The following COQ9 variants were observed in gnomAD, a reference collection of about 807,000 sequenced individuals.
The protein encoded by COQ9 is ubiquinone biosynthesis protein COQ9, mitochondrial.
Under a neutral mutation model 42.4 loss-of-function variants are expected in COQ9, and 35 were observed. The observed-to-expected ratio is 0.83, with a 90% CI of 0.63 to 1.10. The LOEUF is 1.10. Among genes scored for constraint, COQ9 ranks in the 50% least tolerant of loss-of-function variants. The pLI, the probability that COQ9 is intolerant of heterozygous loss-of-function variation, is 0.00. For synonymous variants in COQ9, 155 were observed against 155.1 expected (o/e 1.00, Z 0.00); for missense variants, 406 against 414.6 (o/e 0.98, Z 0.18).
At chr16:57,458,424 A>G (rs2030454343) in intron 6 of COQ9, 74 bp downstream of exon 6, 1 of 1,146,460 alleles carries the variant, frequency 8.7e-7, no homozygotes, top group East Asian at 2.6e-5. Context: ...AGCTTGTGAA[A>G]TTGCTTTGAT....
chr16:57,448,644 C>T (rs149783668), intron 1 of COQ9, among the ~76,000 whole-genome samples: 444 of 151,866 alleles, frequency 2.9e-3, no homozygotes, highest in African/African-American at 0.01. Context: ...AACTCCTGAC[C>T]TCAAGTTATC....
rs1314919675 is a variant in COQ9, at chr16:57,456,595, T to C, written c.470T>C (p.Leu157Pro). 1.2e-6 allele frequency: 2 copies of C among 1,614,120 alleles called. No homozygotes were observed. The highest frequency in any genetic ancestry group is 3.3e-5 in the Admixed American group (2 of 60,016). Residue 157 changes from leucine (L) to proline (P), a missense_variant, in exon 4 of 9, where the codon CTC becomes CCC. By Grantham distance (98) the Leu-to-Pro change is moderately conservative. Coordinates refer to ENST00000262507, the MANE Select transcript of COQ9 (RefSeq NM_020312.4). Reference sequence around the variant, plus strand: ...TTTGTGACCCAGTGCAATACCCGGCTCACACGTGTGCTAGAAGAGGAGCAG... The same window carrying C: ...TTTGTGACCCAGTGCAATACCCGGCCCACACGTGTGCTAGAAGAGGAGCAG... ...LHFVTQCNTRLTRVLEEEQKL... is the reference protein window; with the variant it reads ...LHFVTQCNTRPTRVLEEEQKL...
chr16:57,452,955 G>A lies in COQ9; in HGVS notation c.378+19G>A, dbSNP rs1278138457. The A allele has an allele frequency of 6.2e-7, 1 of 1,612,978 alleles. No individual in the cohort carries two copies. Among genetic ancestry groups the A allele is most frequent in the Non-Finnish European group, 8.5e-7 (1 of 1,179,874 alleles). ...AGCCCAGGTGTGTATAGGTGAGGGT[G>A]GGGCCACCTAACCAAGATGAGCCAG... On this transcript the variant is annotated intron_variant, in intron 3 of 8. Coordinates refer to ENST00000262507, the MANE Select transcript of COQ9 (RefSeq NM_020312.4).
chr16:57,458,012 C>G (rs2030444328), intron 5 of COQ9: 1 of 537,032 alleles, frequency 1.9e-6, no homozygotes, highest in African/African-American at 1.9e-5. Flanking sequence ...GTTCCAAATG[C>G]TAGGGATGGA....
At position 57,458,290 on chromosome 16, in the gene COQ9, G is replaced by A. The variant is rs1368816337; in HGVS notation, c.651G>A (p.Leu217=). 15 of 1,612,802 alleles carry A rather than the reference G, an allele frequency of 9.3e-6. No homozygotes were observed. Among genetic ancestry groups the A allele is most frequent in the African/African-American group, 5.3e-5 (4 of 74,884 alleles). Residue 217 remains leucine, a synonymous_variant, in exon 6 of 9, where the codon CTG becomes CTA. Coordinates refer to ENST00000262507, the MANE Select transcript of COQ9 (RefSeq NM_020312.4). ...LMLPHNIPSS[L]SLLTSMVDDM... is the part of the protein sequence containing the mutation. Reference sequence around the variant, plus strand: ...TCCCTCACAACATCCCGTCCAGCCTGAGCCTGCTCACCAGCATGGTGGATG... The same window carrying A: ...TCCCTCACAACATCCCGTCCAGCCTAAGCCTGCTCACCAGCATGGTGGATG...
intron 4 of COQ9, 94 bp downstream of exon 4, chr16:57,456,740 C>A (rs1243746827): frequency 1.3e-6 from 2 of 1,490,046 alleles, no homozygotes; most frequent in African/African-American, 1.4e-5. Flanking sequence ...CCAAGCAGAA[C>A]CCAAAGAGAG....
intron 1 of COQ9, chr16:57,450,697 C>T: frequency 5.6e-6 from 2 of 359,434 alleles, no homozygotes; most frequent in Non-Finnish European, 1.1e-5. Flanking sequence ...TTGTTTGGGC[C>T]ACACAGTGCT....
chr16:57,447,579 G>T lies in COQ9; in HGVS notation c.73+1G>T. 1.6e-6 allele frequency: 2 copies of T among 1,273,966 alleles called. No individual in the cohort carries two copies. The highest frequency in any genetic ancestry group is 1.5e-5 in the African/African-American group (1 of 65,042). 78.9% of individuals were successfully genotyped at this position (1,273,966 alleles called of 1,614,324 possible). On this transcript the variant is annotated splice_donor_variant, in intron 1 of 8. Coordinates refer to ENST00000262507, the MANE Select transcript of COQ9 (RefSeq NM_020312.4). LOFTEE classifies it high-confidence loss of function. ...CTCCTGCAGCTGCGATGCCTGCCCG[G>T]TGAGGGGGCTGCCAAGCCGGGGAGA... is the stretch of plus-strand genomic sequence containing the variant.
intron 1 of COQ9, among the ~76,000 whole-genome samples, chr16:57,448,331 G>A (rs887319603): frequency 1.3e-5 from 2 of 148,468 alleles, no homozygotes; most frequent in African/African-American, 5.0e-5. Flanking sequence ...ATACTATTCT[G>A]TTTCTTTTTT....
chr16:57,451,154 C>G lies in COQ9; in HGVS notation c.188C>G (p.Ser63Cys), dbSNP rs780513745. The G allele has an allele frequency of 1.5e-5, 24 of 1,614,098 alleles. No homozygotes were observed. Among genetic ancestry groups the G allele is most frequent in the Non-Finnish European group, 2.0e-5 (24 of 1,180,044 alleles). Residue 63 changes from serine (S) to cysteine (C), a missense_variant, in exon 2 of 9, where the codon TCT becomes TGT. By Grantham distance (112) the Ser-to-Cys change is moderately radical. Transcript: ENST00000262507. The stretch of plus-strand genomic sequence containing the variant: ...CCCAACTCATTTTCTCAGCAGCATT[C>G]TGAGACACAGGGGGCAGAAAAACCT... ...QPPNSFSQQH[S>C]ETQGAEKPDP...
At position 57,454,749 on chromosome 16, in the gene COQ9, A is replaced by G. The variant is rs180812126; in HGVS notation, c.379-1755A>G. 4.6e-5 allele frequency among the ~76,000 whole-genome samples: 7 copies of G among 152,316 alleles called. No homozygotes were observed. The East Asian group carries it at 1.4e-3, about 29-fold the overall frequency. On this transcript the variant is annotated intron_variant, in intron 3 of 8. Transcript: ENST00000262507. ...ATAGGCTTTACCTGACTTTGTGGGT[A>G]GGAGATGGACAAGTCCAAATACAGA... is the stretch of plus-strand genomic sequence containing the variant.
chr16:57,458,096 C>A (rs2030446396), intron 5 of COQ9, 150 bp from the exon 6 acceptor site: 2 of 689,250 alleles, frequency 2.9e-6, no homozygotes, highest in Non-Finnish European at 5.3e-6. Context: ...TTGCTAGCTG[C>A]CCACAACTCA....
At chr16:57,457,660 G>C (rs1303431396) in intron 5 of COQ9, among the ~76,000 whole-genome samples, 2 of 152,208 alleles carry the variant, frequency 1.3e-5, no homozygotes, top group South Asian at 4.1e-4. Context: ...GAACACTTAT[G>C]GTGGTGCCTA....
intron 3 of COQ9, among the ~76,000 whole-genome samples, chr16:57,454,488 T>A (rs2030357622): frequency 1.3e-5 from 2 of 152,108 alleles, no homozygotes. Flanking sequence ...AGAGACCCCA[T>A]CTCTACAAAA....
chr16:57,452,692 A>G (rs781551734), intron 2 of COQ9, 109 bp from the exon 3 acceptor site: 2 of 1,267,488 alleles, frequency 1.6e-6, no homozygotes, highest in Non-Finnish European at 2.3e-6. Flanking sequence ...ACAAGAGTAA[A>G]TGTCTTCCCA....
chr16:57,455,300 C>T (rs931590239), intron 3 of COQ9, among the ~76,000 whole-genome samples: 1 of 150,710 alleles, frequency 6.6e-6, no homozygotes, highest in African/African-American at 2.4e-5. Flanking sequence ...GTGGAGGCAT[C>T]AAGCATACAG....
intron 1 of COQ9, among the ~76,000 whole-genome samples, chr16:57,449,696 T>C (rs574437830): frequency 6.6e-6 from 1 of 152,262 alleles, no homozygotes; most frequent in South Asian, 2.1e-4. Flanking sequence ...TACTGAAACA[T>C]GTACATATAG....
chr16:57,452,741 G>A (rs1418399499), intron 2 of COQ9, 60 bp from the exon 3 acceptor site: 2 of 1,602,856 alleles, frequency 1.2e-6, no homozygotes, highest in South Asian at 2.2e-5. Flanking sequence ...CTAGTTTCTG[G>A]TCATGCCCAT....
At chr16:57,450,940 G>A in intron 1 of COQ9, 100 bp from the exon 2 acceptor site, 1 of 1,308,348 alleles carries the variant, frequency 7.6e-7, no homozygotes, top group Non-Finnish European at 1.1e-6. Flanking sequence ...TTCTACAGGA[G>A]TCTCTGGCCT....
Sources: gnomAD v4.1 joint callset for allele counts (sites outside exome capture counted in the v4.1 genomes callset) on GRCh38, gnomAD v4.1.1 for gene constraint, MANE v1.5 for transcripts, NCBI Gene and HGNC (gene_info 2026-07-23, HGNC 2026-07-21) for gene names.